The following CD2AP variants were observed in gnomAD, a reference collection of about 807,000 sequenced individuals.
The protein encoded by CD2AP is CD2 associated protein.
In CD2AP, 46 loss-of-function variants were observed where a neutral mutation model predicts 85.1. The ratio of observed to expected loss-of-function variants is 0.54; its 90% CI spans 0.43 to 0.69. The LOEUF (loss-of-function observed/expected upper bound fraction) is 0.69. Ranked by LOEUF, CD2AP falls within the 30% of genes least tolerant of loss-of-function variation. The pLI, the probability that CD2AP is intolerant of heterozygous loss-of-function variation, is 0.00. For missense variants in CD2AP, 769 were observed against 729.5 expected (o/e 1.05, Z -0.62); for synonymous variants, 255 against 252.9 (o/e 1.01, Z -0.08).
intron 11 of CD2AP, among the ~76,000 whole-genome samples, chr6:47,594,897 A>G (rs938486736): frequency 4.6e-5 from 7 of 152,080 alleles, no homozygotes; most frequent in Non-Finnish European, 8.8e-5. Flanking sequence ...AGGTTTTATA[A>G]TCACCAGTTT....
chr6:47,554,615 GT>G, intron 4 of CD2AP, 30 bp from the exon 5 acceptor site: 2 of 1,612,676 alleles, frequency 1.2e-6, no homozygotes, highest in Non-Finnish European at 1.7e-6. Context: ...AACAGAAGTT[GT>G]TTTTGCTTTT....
chr6:47,576,988 T>C (rs1363227675), intron 7 of CD2AP, 21 bp from the exon 8 acceptor site: 1 of 1,212,336 alleles, frequency 8.2e-7, no homozygotes, highest in Non-Finnish European at 1.2e-6. Context: ...TGAGCCACAT[T>C]ATTTACATTC....
chr6:47,598,400 G>C (rs1385868388), intron 12 of CD2AP, among the ~76,000 whole-genome samples: 1 of 150,990 alleles, frequency 6.6e-6, no homozygotes, highest in Non-Finnish European at 1.5e-5. Context: ...CCACTACTGG[G>C]TATCTACCCA....
intron 5 of CD2AP, among the ~76,000 whole-genome samples, chr6:47,562,039 C>T (rs1322577773): frequency 1.3e-5 from 2 of 152,230 alleles, no homozygotes; most frequent in Admixed American, 6.5e-5. Flanking sequence ...ACTGGGATTA[C>T]AGGCGTGAGC....
chr6:47,523,383 CAA>C (rs966413870), intron 2 of CD2AP, among the ~76,000 whole-genome samples: 7 of 152,068 alleles, frequency 4.6e-5, no homozygotes, highest in African/African-American at 1.7e-4. Flanking sequence ...ACACATATGT[CAA>C]AAGATGTTGT....
chr6:47,518,203 A>G (rs1766501852), intron 2 of CD2AP, among the ~76,000 whole-genome samples: 1 of 152,220 alleles, frequency 6.6e-6, no homozygotes, highest in Non-Finnish European at 1.5e-5. Context: ...GAATTTAAAA[A>G]ATCAGAATAC....
intron 3 of CD2AP, among the ~76,000 whole-genome samples, chr6:47,538,720 T>G (rs1767120574): frequency 6.6e-6 from 1 of 152,178 alleles, no homozygotes; most frequent in Admixed American, 6.5e-5. Context: ...ATGCTCTTAT[T>G]GTAGCATTTG....
chr6:47,584,159 C>A (rs1257258893), intron 11 of CD2AP, among the ~76,000 whole-genome samples: 4 of 151,970 alleles, frequency 2.6e-5, no homozygotes, highest in African/African-American at 9.7e-5. Flanking sequence ...TAGTAGATGT[C>A]TTTTGCAAAT....
intron 5 of CD2AP, among the ~76,000 whole-genome samples, chr6:47,556,165 T>A (rs776996395): frequency 1.3e-5 from 2 of 151,502 alleles, no homozygotes; most frequent in Non-Finnish European, 2.9e-5. Context: ...TATCAACCCG[T>A]CATCTACATT....
chr6:47,574,036 A>G (rs1768231094), intron 5 of CD2AP, 28 bp from the exon 6 acceptor site: 3 of 1,601,802 alleles, frequency 1.9e-6, no homozygotes, highest in East Asian at 4.5e-5. Context: ...TCTAGGTGTC[A>G]TTCTTCAAAA....
At chr6:47,556,898 A>G (rs914461074) in intron 5 of CD2AP, among the ~76,000 whole-genome samples, 2 of 152,154 alleles carry the variant, frequency 1.3e-5, no homozygotes, top group Non-Finnish European at 1.5e-5. Flanking sequence ...AGGAATTGCC[A>G]CATTGTCTTC....
chr6:47,591,919 G>C (rs1033032107), intron 11 of CD2AP, among the ~76,000 whole-genome samples: 31 of 152,134 alleles, frequency 2.0e-4, no homozygotes, highest in African/African-American at 7.5e-4. Context: ...CAAACTCCTA[G>C]GCTCAGGTGA....
chr6:47,596,590 C>T (rs1761367722), intron 12 of CD2AP, among the ~76,000 whole-genome samples: 3 of 152,020 alleles, frequency 2.0e-5, no homozygotes, highest in Admixed American at 2.0e-4. Flanking sequence ...AAATGGCAGG[C>T]TTGCTTTCTT....
intron 1 of CD2AP, among the ~76,000 whole-genome samples, chr6:47,484,038 T>C (rs983941879): frequency 5.3e-5 from 8 of 152,184 alleles, no homozygotes; most frequent in Non-Finnish European, 1.2e-4. Flanking sequence ...TGGCTAGTTA[T>C]TAGAAAGACC....
intron 11 of CD2AP, among the ~76,000 whole-genome samples, chr6:47,584,595 A>G (rs1272452628): frequency 6.6e-6 from 1 of 151,680 alleles, no homozygotes; most frequent in Non-Finnish European, 1.5e-5. Flanking sequence ...TAAATGTAGC[A>G]CTCACTCTCT....
intron 5 of CD2AP, 82 bp from the exon 6 acceptor site, chr6:47,573,982 T>C: frequency 8.5e-7 from 1 of 1,173,018 alleles, no homozygotes; most frequent in Admixed American, 1.7e-5. Flanking sequence ...TTAGAAGGCA[T>C]ATAGAATGTA....
Position 47,585,448 on chromosome 6 carries a change from A to G in CD2AP, c.1108+3383A>G, listed in dbSNP as rs140105501. ...AAATGTATGAAACAGTGGCTTTCAC[A>G]TATCGGACATCAGACAGTATAAGTC... On this transcript the variant is annotated intron_variant, in intron 11 of 17. Coordinates refer to ENST00000359314, the MANE Select transcript of CD2AP (RefSeq NM_012120.3). Among the ~76,000 whole-genome samples the G allele has an allele frequency of 7.6e-4, 116 of 152,332 alleles. 1 individual carries two copies. Among genetic ancestry groups the G allele is most frequent in the African/African-American group, 2.7e-3 (113 of 41,576 alleles).
intron 17 of CD2AP, among the ~76,000 whole-genome samples, chr6:47,614,266 C>A (rs903839264): frequency 1.3e-5 from 2 of 152,210 alleles, no homozygotes; most frequent in Non-Finnish European, 2.9e-5. Flanking sequence ...CTGTGGCTTT[C>A]AACATTGCCT....
intron 12 of CD2AP, among the ~76,000 whole-genome samples, chr6:47,598,672 G>C (rs115734663): frequency 0.019 from 2,876 of 150,726 alleles, 203 homozygotes; most frequent in Non-Finnish European, 0.032. Context: ...AACATTGTAC[G>C]TTCTCCCTAA....
Sources: gnomAD v4.1 joint callset for allele counts (sites outside exome capture counted in the v4.1 genomes callset) on GRCh38, gnomAD v4.1.1 for gene constraint, MANE v1.5 for transcripts, NCBI Gene and HGNC (gene_info 2026-07-23, HGNC 2026-07-21) for gene names.